Variants in PSG9 observed in about 807,000 individuals in gnomAD.
PSG9 encodes pregnancy specific beta-1-glycoprotein 9.
Under a neutral mutation model 41.9 loss-of-function variants are expected in PSG9, and 49 were observed. The ratio of observed to expected loss-of-function variants is 1.17; its 90% CI spans 0.93 to 1.48. The LOEUF is 1.48. PSG9 is among the 40% of genes most tolerant of loss of function. PSG9 has a pLI of 0.00. For synonymous variants in PSG9, 263 were observed against 196.8 expected, an observed-to-expected ratio of 1.34 and a Z score of -2.82; for missense variants, 641 against 520.3, an observed-to-expected ratio of 1.23 and a Z score of -2.26.
chr19:43,268,211 G>C, intron 1 of PSG9, 62 bp from the exon 2 acceptor site: 1 of 1,513,456 alleles, frequency 6.6e-7, no homozygotes, highest in Non-Finnish European at 8.9e-7. Flanking sequence ...AAAAGATGGG[G>C]CCCTGGGTCC....
chr19:43,257,863 G>A, intron 5 of PSG9: 3 of 1,380,462 alleles, frequency 2.2e-6, no homozygotes, highest in Non-Finnish European at 2.8e-6. Flanking sequence ...AAAAGACGTG[G>A]CAGAAGGGGA....
At chr19:43,254,561 A>G (rs1473213661) in intron 5 of PSG9, among the ~76,000 whole-genome samples, 1 of 146,228 alleles carries the variant, frequency 6.8e-6, no homozygotes, top group Non-Finnish European at 1.5e-5. Flanking sequence ...TCTCAGGTCA[A>G]CAACCTACTT....
chr19:43,254,277 C>T (rs1262231971), intron 5 of PSG9, among the ~76,000 whole-genome samples: 1 of 146,226 alleles, frequency 6.8e-6, no homozygotes, highest in Non-Finnish European at 1.5e-5. Context: ...TAAAAACTTT[C>T]CTGGTGTCAT....
rs761792482 is a variant in PSG9, at chr19:43,261,927, G to A, written c.642C>T (p.Pro214=). The change falls in exon 3 of 6, where the codon CCC becomes CCT. Residue 214 remains proline (P), a synonymous_variant. Transcript: ENST00000270077. ...LFGVTKYIAG[P]YECEIRNPVS... ...CTGGGTTCCGTATTTCACATTCATA[G>A]GGTCCTGCAATATACTTTGTGACAC... 5.0e-6 allele frequency: 8 copies of A among 1,613,936 alleles called. No homozygotes were observed. In the Admixed American group the frequency reaches 6.7e-5, roughly 13 times the overall value.
Position 43,259,017 on chromosome 19 carries a change from G to C in PSG9, c.828C>G (p.Asn276Lys), listed in dbSNP as rs2355449. ...SENYTYIWWL[N>K]GQSLPVSPGV... ...CGGGACTGACGGGGAGGCTCTGACC[G>C]TTTAGCCACCAAATGTAGGTGTAGT... Residue 276 changes from asparagine to lysine, a missense_variant, in exon 4 of 6, where the codon AAC becomes AAG. By Grantham distance (94) the Asn-to-Lys change is moderately conservative. Transcript: ENST00000270077. 4 of 1,590,786 alleles carry C rather than the reference G, an allele frequency of 2.5e-6. 1 individual carries two copies. The highest frequency in any genetic ancestry group is 3.4e-6 in the Non-Finnish European group (4 of 1,174,494).
At chr19:43,260,097 C>T (rs1353220675) in intron 3 of PSG9, 3 of 145,728 alleles carry the variant, frequency 2.1e-5, no homozygotes, top group South Asian at 2.2e-4. Context: ...ACTCTCTGAT[C>T]CCCTGGGTTC....
chr19:43,261,495 G>T (rs745515476), intron 3 of PSG9, among the ~76,000 whole-genome samples: 3 of 152,146 alleles, frequency 2.0e-5, no homozygotes, highest in Non-Finnish European at 2.9e-5. Context: ...AAGCGATATT[G>T]TCAGAGGGAA....
At chr19:43,266,445 C>T (rs1968970902) in intron 2 of PSG9, among the ~76,000 whole-genome samples, 1 of 151,926 alleles carries the variant, frequency 6.6e-6, no homozygotes, top group Non-Finnish European at 1.5e-5. Flanking sequence ...GTGTGTCTCT[C>T]GCTGGGCCTG....
chr19:43,264,396 G>C (rs913002940), intron 2 of PSG9, among the ~76,000 whole-genome samples: 1 of 151,970 alleles, frequency 6.6e-6, no homozygotes, highest in African/African-American at 2.4e-5. Context: ...TCAAGCTAGG[G>C]ATTCTTTCCT....
rs747890772 is a variant in PSG9, at chr19:43,262,032, T to C, written c.537A>G (p.Leu179=). 3.8e-5 allele frequency: 62 copies of C among 1,613,864 alleles called. 1 individual carries two copies. Among genetic ancestry groups the C allele is most frequent in the East Asian group, 1.6e-4 (7 of 44,882 alleles). The part of the protein sequence containing the change: ...CDPETLDASY[L]WWMNGQSLPV... ...GGAGGCTCTGACCATTCATCCACCA[T>C]AGGTAGCTTGCGTCCAGAGTCTCAG... The change falls in exon 3 of 6, where the codon CTA becomes CTG. Residue 179 remains leucine, a synonymous_variant. Coordinates refer to ENST00000270077, the MANE Select transcript of PSG9 (RefSeq NM_002784.5).
intron 2 of PSG9, among the ~76,000 whole-genome samples, chr19:43,265,981 G>A (rs529841319): frequency 7.2e-5 from 11 of 152,128 alleles, no homozygotes; most frequent in East Asian, 5.8e-4. Context: ...GAAGGGAACC[G>A]AACAGCCAGC....
At chr19:43,262,275 C>T in intron 2 of PSG9, 137 bp from the exon 3 acceptor site, 1 of 1,478,920 alleles carries the variant, frequency 6.8e-7, no homozygotes, top group Non-Finnish European at 9.1e-7. Context: ...GTGTGTGTTA[C>T]AAGACAGATG....
At chr19:43,266,593 C>T (rs903786335) in intron 2 of PSG9, among the ~76,000 whole-genome samples, 1 of 152,004 alleles carries the variant, frequency 6.6e-6, no homozygotes, top group African/African-American at 2.4e-5. Context: ...GAGGCCTGGA[C>T]ATATTTTTTG....
chr19:43,254,147 C>T (rs1459192770), intron 5 of PSG9, among the ~76,000 whole-genome samples: 1 of 145,804 alleles, frequency 6.9e-6, no homozygotes, highest in Non-Finnish European at 1.5e-5. Flanking sequence ...AGGTGCACTT[C>T]CTATGTGCCA....
chr19:43,269,021 T>C (rs1395896875), intron 1 of PSG9, among the ~76,000 whole-genome samples: 2 of 152,042 alleles, frequency 1.3e-5, no homozygotes, highest in African/African-American at 2.4e-5. Context: ...TCTTTTTTTT[T>C]TGAGACGGAG....
At chr19:43,266,175 C>A (rs967812830) in intron 2 of PSG9, among the ~76,000 whole-genome samples, 13 of 151,890 alleles carry the variant, frequency 8.6e-5, no homozygotes, top group Admixed American at 3.3e-4. Context: ...GGCCCAGGTG[C>A]CCCCAGTTCC....
intron 5 of PSG9, among the ~76,000 whole-genome samples, chr19:43,253,962 C>T (rs112706572): frequency 0.014 from 1,975 of 146,274 alleles, 311 homozygotes; most frequent in African/African-American, 0.049. Flanking sequence ...TGATAAATTA[C>T]CTTGTATGTC....
chr19:43,259,434 C>T, intron 3 of PSG9: 2 of 433,906 alleles, frequency 4.6e-6, no homozygotes, highest in Non-Finnish European at 7.4e-6. Flanking sequence ...CCAGTCCCTC[C>T]CTAATCAGTT....
At chr19:43,261,146 C>T (rs967635260) in intron 3 of PSG9, among the ~76,000 whole-genome samples, 2 of 151,996 alleles carry the variant, frequency 1.3e-5, no homozygotes, top group African/African-American at 4.8e-5. Flanking sequence ...GTGGCTGTTC[C>T]CTGACAGCTA....
Sources: allele counts gnomAD v4.1 joint callset (sites outside exome capture counted in the v4.1 genomes callset), GRCh38; gene constraint gnomAD v4.1.1; transcripts MANE v1.5; gene names NCBI Gene and HGNC (gene_info 2026-07-23, HGNC 2026-07-21).